The following DCC variants were observed in gnomAD, a reference collection of about 807,000 sequenced individuals.
The protein encoded by DCC is DCC netrin 1 receptor.
A neutral mutation model predicts 172.5 loss-of-function variants in DCC; 58 were observed. The ratio of observed to expected loss-of-function variants is 0.34; its 90% CI spans 0.27 to 0.42. The LOEUF is 0.42. Ranked by LOEUF, DCC falls within the 10% of genes least tolerant of loss-of-function variation. The pLI is 1.00. For missense variants in DCC, 1,740 were observed against 1,791.0 expected, an observed-to-expected ratio of 0.97 and a Z score of 0.51; for synonymous variants, 709 against 644.5, an observed-to-expected ratio of 1.10 and a Z score of -1.52.
At chr18:53,414,614 C>T (rs959896831) in intron 20 of DCC, among the ~76,000 whole-genome samples, 1 of 151,594 alleles carries the variant, frequency 6.6e-6, no homozygotes, top group African/African-American at 2.4e-5. Context: ...TTTAGGAGGC[C>T]GAGGCGGGTG....
chr18:52,817,847 C>T (rs562568415), intron 2 of DCC, among the ~76,000 whole-genome samples: 3 of 151,884 alleles, frequency 2.0e-5, no homozygotes, highest in Admixed American at 1.3e-4. Context: ...TATAAATATA[C>T]ACATATAATG....
intron 5 of DCC, among the ~76,000 whole-genome samples, chr18:52,930,228 G>A (rs575633302): frequency 2.6e-5 from 4 of 151,978 alleles, no homozygotes; most frequent in Non-Finnish European, 4.4e-5. Context: ...GCCTCCCAAG[G>A]TTCTGGGATT....
At chr18:53,496,424 G>A (rs888112690) in intron 26 of DCC, among the ~76,000 whole-genome samples, 2 of 150,440 alleles carry the variant, frequency 1.3e-5, no homozygotes, top group African/African-American at 2.5e-5. Flanking sequence ...TCAACAAAAA[G>A]GATGTCCACG....
At chr18:52,704,330 G>T (rs1311043903) in intron 1 of DCC, among the ~76,000 whole-genome samples, 1 of 152,094 alleles carries the variant, frequency 6.6e-6, no homozygotes, top group Non-Finnish European at 1.5e-5. Context: ...AAAAGAGAGA[G>T]AGATGGTGAC....
intron 1 of DCC, among the ~76,000 whole-genome samples, chr18:52,565,789 T>G (rs922349207): frequency 2.0e-5 from 3 of 152,152 alleles, no homozygotes. Context: ...CTGTAGGTTG[T>G]CTGTTCACGC....
intron 27 of DCC, among the ~76,000 whole-genome samples, chr18:53,507,209 A>G (rs2046191390): frequency 6.6e-6 from 1 of 152,240 alleles, no homozygotes; most frequent in South Asian, 2.1e-4. Context: ...ATGAGCATCA[A>G]GTTACAGTTG....
At chr18:53,250,526 C>A (rs2056416676) in intron 12 of DCC, among the ~76,000 whole-genome samples, 1 of 151,742 alleles carries the variant, frequency 6.6e-6, no homozygotes, top group African/African-American at 2.4e-5. Context: ...CTGCCCAGCT[C>A]CCAGACCTAC....
intron 8 of DCC, among the ~76,000 whole-genome samples, chr18:53,168,586 G>A (rs1246991459): frequency 2.5e-4 from 38 of 151,114 alleles, no homozygotes; most frequent in African/African-American, 8.8e-4. Context: ...GGGGGGCTAG[G>A]GGAGGGATAG....
intron 7 of DCC, among the ~76,000 whole-genome samples, chr18:53,154,067 T>C (rs1371915818): frequency 6.6e-6 from 1 of 152,154 alleles, no homozygotes; most frequent in African/African-American, 2.4e-5. Flanking sequence ...AGGAACACAC[T>C]AGGCCATTGT....
In DCC at chr18:53,351,399, GTGTATATA is replaced by G. The variant is rs1488474914; in HGVS notation, c.2359+11494_2359+11501del. On this transcript the variant is annotated intron_variant, in intron 15 of 28. Coordinates refer to ENST00000442544, the MANE Select transcript of DCC (RefSeq NM_005215.4). ...TATATATACAGTATATATATATACAGTGTATATATATATATATACACACTGTGTATATA... is the reference window on the plus strand; with the variant it reads ...TATATATACAGTATATATATATACAGTATATATATACACACTGTGTATATA... Among the ~76,000 whole-genome samples the G allele has an allele frequency of 6.5e-3, 156 of 24,080 alleles. 5 individuals are homozygous for G. The highest frequency in any genetic ancestry group is 0.026 in the African/African-American group (147 of 5,608). 15.8% of individuals were successfully genotyped at this position (24,080 alleles called of 152,430 possible).
At chr18:52,735,489 T>A (rs1163251352) in intron 1 of DCC, among the ~76,000 whole-genome samples, 1 of 152,050 alleles carries the variant, frequency 6.6e-6, no homozygotes, top group East Asian at 1.9e-4. Flanking sequence ...AGTCGCACAA[T>A]AGGCCATCTG....
chr18:53,340,521 T>C (rs1215623937), intron 15 of DCC, among the ~76,000 whole-genome samples: 3 of 152,168 alleles, frequency 2.0e-5, no homozygotes, highest in Non-Finnish European at 4.4e-5. Context: ...GGTTCTCTTA[T>C]TGTACTCAAC....
rs556155217 is a variant in DCC, at chr18:53,304,653, A to G, written c.1912-925A>G. Among the ~76,000 whole-genome samples the G allele has an allele frequency of 5.3e-5, 8 of 152,306 alleles. No individual in the cohort carries two copies. The East Asian group carries it at 1.4e-3, about 26-fold the overall frequency. ...GCCTGGTTTTACTGGGTATAGGTAG[A>G]AACCTGATCTGAATGACTTTCAGTC... is the stretch of plus-strand genomic sequence containing the variant. On this transcript the variant is annotated intron_variant, in intron 12 of 28. Transcript: ENST00000442544.
chr18:53,440,244 T>C (rs993168001), intron 22 of DCC, among the ~76,000 whole-genome samples: 2 of 152,180 alleles, frequency 1.3e-5, no homozygotes, highest in African/African-American at 4.8e-5. Flanking sequence ...GGCAATTTCC[T>C]TTTTTCTATA....
chr18:53,463,910 AAAC>A (rs1389573349), intron 24 of DCC, among the ~76,000 whole-genome samples: 3 of 152,228 alleles, frequency 2.0e-5, no homozygotes, highest in Non-Finnish European at 4.4e-5. Context: ...ATTGCTGCAT[AAAC>A]AACAACAACT....
At chr18:53,182,421 C>T (rs1344497096) in intron 9 of DCC, among the ~76,000 whole-genome samples, 1 of 152,094 alleles carries the variant, frequency 6.6e-6, no homozygotes, top group Non-Finnish European at 1.5e-5. Context: ...CTGAACATTG[C>T]CACTGGATAA....
chr18:53,095,335 A>T (rs926184559), intron 7 of DCC, among the ~76,000 whole-genome samples: 1 of 152,212 alleles, frequency 6.6e-6, no homozygotes, highest in Non-Finnish European at 1.5e-5. Flanking sequence ...CCCCATGGAT[A>T]TCAGAAGAAG....
chr18:53,131,600 C>T (rs1000971399), intron 7 of DCC, among the ~76,000 whole-genome samples: 1 of 152,198 alleles, frequency 6.6e-6, no homozygotes, highest in South Asian at 2.1e-4. Context: ...CCGCATATAT[C>T]AGTAAACATA....
chr18:53,145,271 G>A (rs1023510539), intron 7 of DCC, among the ~76,000 whole-genome samples: 7 of 151,870 alleles, frequency 4.6e-5, no homozygotes, highest in East Asian at 3.9e-4. Context: ...CCGCCACCAC[G>A]CCCCGCTAAT....
Sources: allele counts gnomAD v4.1 joint callset (sites outside exome capture counted in the v4.1 genomes callset), GRCh38; gene constraint gnomAD v4.1.1; transcripts MANE v1.5; gene names NCBI Gene and HGNC (gene_info 2026-07-23, HGNC 2026-07-21).